Variants in SYT1 observed in about 807,000 individuals in gnomAD.
SYT1 encodes the protein synaptotagmin-1.
A neutral mutation model predicts 44.8 loss-of-function variants in SYT1; 8 were observed. The observed-to-expected ratio is 0.18, with a 90% CI of 0.10 to 0.32. The LOEUF (loss-of-function observed/expected upper bound fraction) is 0.32, where lower values mean the gene tolerates loss of function less well. Among genes scored for constraint, SYT1 ranks in the 10% least tolerant of loss-of-function variants. The pLI is 1.00. For synonymous variants in SYT1, 154 were observed against 188.8 expected, an observed-to-expected ratio of 0.82 and a Z score of 1.51; for missense variants, 286 against 509.3, an observed-to-expected ratio of 0.56 and a Z score of 4.22.
At chr12:78,924,488 A>C (rs1359575939) in intron 1 of SYT1, among the ~76,000 whole-genome samples, 1 of 151,390 alleles carries the variant, frequency 6.6e-6, no homozygotes, top group Admixed American at 6.6e-5. Flanking sequence ...TTTTCTTTAC[A>C]TTTATTAGTC....
chr12:79,381,014 C>T (rs1292138253), intron 9 of SYT1, among the ~76,000 whole-genome samples: 3 of 152,152 alleles, frequency 2.0e-5, no homozygotes, highest in Admixed American at 6.5e-5. Context: ...ATTCCTACGA[C>T]AAAACTAGGT....
chr12:79,179,527 A>C (rs1453135789), intron 3 of SYT1, among the ~76,000 whole-genome samples: 1 of 13,844 alleles, frequency 7.2e-5, no homozygotes, highest in African/African-American at 6.9e-4. Flanking sequence ...ATCTATATAG[A>C]TATAGATATA....
At chr12:79,003,525 T>C (rs11835999) in intron 2 of SYT1, among the ~76,000 whole-genome samples, 11,272 of 152,036 alleles carry the variant, frequency 0.074, 537 homozygotes, top group East Asian at 0.15. Flanking sequence ...ACTGCAAGAT[T>C]AGAAAAAATT....
chr12:79,199,273 CT>C (rs1873640923), intron 3 of SYT1, among the ~76,000 whole-genome samples: 1 of 152,116 alleles, frequency 6.6e-6, no homozygotes, highest in African/African-American at 2.4e-5. Context: ...GACTTTTCCT[CT>C]CTCTAACACC....
chr12:79,194,726 G>T (rs940795169), intron 3 of SYT1, among the ~76,000 whole-genome samples: 1 of 152,110 alleles, frequency 6.6e-6, no homozygotes, highest in African/African-American at 2.4e-5. Context: ...GTATGTGTGT[G>T]TGTGTTTAAA....
chr12:79,035,077 G>A (rs1268317598), intron 2 of SYT1, among the ~76,000 whole-genome samples: 1 of 151,618 alleles, frequency 6.6e-6, no homozygotes. Flanking sequence ...CACAGGGTAT[G>A]GTACTGAACT....
intron 4 of SYT1, among the ~76,000 whole-genome samples, chr12:79,232,699 T>G (rs1418724795): frequency 6.6e-6 from 1 of 152,208 alleles, no homozygotes; most frequent in Non-Finnish European, 1.5e-5. Flanking sequence ...TTGTATTTAC[T>G]TGAGGCCAAG....
chr12:78,884,325 T>G (rs893782997), intron 1 of SYT1, among the ~76,000 whole-genome samples: 3 of 151,612 alleles, frequency 2.0e-5, no homozygotes, highest in Non-Finnish European at 4.4e-5. Flanking sequence ...CTATATCTAC[T>G]GCTTTTGGTT....
intron 4 of SYT1, among the ~76,000 whole-genome samples, chr12:79,279,800 G>C (rs1022720349): frequency 5.3e-5 from 8 of 151,874 alleles, no homozygotes; most frequent in Non-Finnish European, 7.4e-5. Context: ...GAAGTCTCAG[G>C]GTACAAAATC....
At chr12:79,331,026 T>C (rs11834713) in intron 8 of SYT1, among the ~76,000 whole-genome samples, 16,928 of 152,190 alleles carry the variant, frequency 0.11, 1,396 homozygotes, top group African/African-American at 0.23. Flanking sequence ...AAATATTTCT[T>C]AGTGACCCCA....
At chr12:79,300,596 G>A (rs1169277632) in intron 8 of SYT1, among the ~76,000 whole-genome samples, 1 of 151,626 alleles carries the variant, frequency 6.6e-6, no homozygotes, top group African/African-American at 2.4e-5. Context: ...TTTAGAACAG[G>A]CCTATTAATT....
intron 8 of SYT1, among the ~76,000 whole-genome samples, chr12:79,334,396 A>T (rs145305107): frequency 2.4e-4 from 37 of 152,286 alleles, no homozygotes; most frequent in African/African-American, 7.9e-4. Context: ...CAAGTGCTAT[A>T]CTGAGGGTTT....
chr12:78,881,881 C>T lies in SYT1; in HGVS notation c.-217+16772C>T, dbSNP rs551832208. On this transcript the variant is annotated intron_variant, in intron 1 of 10. Transcript: ENST00000261205. ...AAGATGATTTTTTTGGCTTGCTAAA[C>T]TTGACTCATCCCTCAGGCATCTGCT... is the stretch of plus-strand genomic sequence containing the variant. Among the ~76,000 whole-genome samples the T allele has an allele frequency of 1.6e-4, 25 of 151,784 alleles. No homozygotes were observed. The South Asian group carries it at 5.0e-3, about 30-fold the overall frequency.
intron 1 of SYT1, among the ~76,000 whole-genome samples, chr12:78,925,390 T>TA (rs753659268): frequency 3.9e-5 from 6 of 151,984 alleles, no homozygotes; most frequent in Non-Finnish European, 5.9e-5. Flanking sequence ...ATAGTTCTAA[T>TA]AGTCAAGGTT....
At chr12:79,036,507 C>T (rs1290375649) in intron 2 of SYT1, 2 of 151,752 alleles carry the variant, frequency 1.3e-5, no homozygotes, top group African/African-American at 4.8e-5. Flanking sequence ...ATCTTTTGAA[C>T]ACTCTTCATA....
At chr12:79,431,160 T>A (rs574912231) in intron 9 of SYT1, among the ~76,000 whole-genome samples, 2 of 152,336 alleles carry the variant, frequency 1.3e-5, no homozygotes, top group East Asian at 3.9e-4. Context: ...TAGCATTTGT[T>A]CCTCTGGATC....
At chr12:79,207,987 C>CAGT (rs925372434) in intron 3 of SYT1, among the ~76,000 whole-genome samples, 9 of 152,300 alleles carry the variant, frequency 5.9e-5, no homozygotes, top group Non-Finnish European at 1.2e-4. Context: ...GCTACTTAAA[C>CAGT]AGTTTAACCC....
chr12:79,299,205 T>G (rs1880015098), intron 7 of SYT1, among the ~76,000 whole-genome samples, 179 bp from the exon 8 acceptor site: 1 of 152,118 alleles, frequency 6.6e-6, no homozygotes, highest in African/African-American at 2.4e-5. Context: ...CCATTTTCTC[T>G]CAAGTAATTT....
At chr12:79,065,407 G>A (rs1043426791) in intron 3 of SYT1, among the ~76,000 whole-genome samples, 1 of 152,102 alleles carries the variant, frequency 6.6e-6, no homozygotes, top group Non-Finnish European at 1.5e-5. Flanking sequence ...GAGGAGTGGA[G>A]GGGAGGGGAG....
Sources: gnomAD v4.1 joint callset for allele counts (sites outside exome capture counted in the v4.1 genomes callset) on GRCh38, gnomAD v4.1.1 for gene constraint, MANE v1.5 for transcripts, NCBI Gene and HGNC (gene_info 2026-07-23, HGNC 2026-07-21) for gene names.